The following AZIN1 variants were observed in gnomAD, a reference collection of about 807,000 sequenced individuals.
The protein encoded by AZIN1 is antizyme inhibitor 1, also known as ornithine decarboxylase antizyme inhibitor.
In AZIN1, 12 loss-of-function variants were observed where a neutral mutation model predicts 47.4. That is an observed-to-expected ratio of 0.25 (90% CI 0.16 to 0.41). The LOEUF (loss-of-function observed/expected upper bound fraction) is 0.41, where lower values mean the gene tolerates loss of function less well. AZIN1 is among the 10% of genes least tolerant of loss of function. AZIN1 has a pLI of 1.00. For missense variants in AZIN1, 410 were observed against 532.4 expected (o/e 0.77, Z 2.26); for synonymous variants, 155 against 176.3 (o/e 0.88, Z 0.96).
At chr8:102,863,124 G>A (rs948700551) in intron 1 of AZIN1, among the ~76,000 whole-genome samples, 1 of 152,238 alleles carries the variant, frequency 6.6e-6, no homozygotes. Flanking sequence ...CTTCCAGAAG[G>A]GGCCAAAAGC....
intron 9 of AZIN1, among the ~76,000 whole-genome samples, chr8:102,831,714 G>A (rs1453051363): frequency 6.6e-5 from 10 of 151,734 alleles, no homozygotes; most frequent in African/African-American, 1.5e-4. Flanking sequence ...CACTTTGGGA[G>A]GCTGAGGCAG....
intron 2 of AZIN1, chr8:102,854,626 A>G (rs146907711): frequency 1.5e-5 from 2 of 136,704 alleles, no homozygotes; most frequent in South Asian, 4.4e-4. Context: ...ATATATATAT[A>G]TTTTTTTTCC....
rs144818576 is a variant in AZIN1 at position 102,838,843 on chromosome 8, A to G, written c.350T>C (p.Val117Ala). The change falls in exon 5 of 12, where the codon GTG becomes GCG. Residue 117 changes from valine (V) to alanine (A), a missense_variant. By Grantham distance (64) the Val-to-Ala change is moderately conservative. Coordinates refer to ENST00000337198, the MANE Select transcript of AZIN1 (RefSeq NM_148174.4). The part of the protein sequence containing the change: ...NIIYISPCKQ[V>A]SQIKYAAKVG... Reference sequence around the variant, plus strand: ...TTTTGCTGCATACTTTATCTGAGACACTTGCTTGCAAGGACTTATGTAAAT... The same window carrying G: ...TTTTGCTGCATACTTTATCTGAGACGCTTGCTTGCAAGGACTTATGTAAAT... 46 of 1,613,878 alleles carry G rather than the reference A, an allele frequency of 2.9e-5. No homozygotes were observed. The highest frequency in any genetic ancestry group is 1.6e-4 in the Middle Eastern group (1 of 6,082).
Position 102,829,923 on chromosome 8 carries a change from TC to T in AZIN1, c.917del (p.Gly306GlufsTer11). 1.2e-6 allele frequency: 2 copies of T among 1,602,670 alleles called. No individual in the cohort carries two copies. Among genetic ancestry groups the T allele is most frequent in the Non-Finnish European group, 1.7e-6 (2 of 1,174,646 alleles). Reference protein sequence around the residue: ...DKFPSGVEKTGSDEPAFMYYM... With the variant: ...DKFPSGVEKTXSDEPAFMYYM... ...AATACATGAAGGCTGGTTCATCACT[TC>T]CGGTTTTTTCTACTGGAATAAAACA... On this transcript the variant is annotated frameshift_variant, in exon 10 of 12. Coordinates refer to ENST00000337198, the MANE Select transcript of AZIN1 (RefSeq NM_148174.4). LOFTEE classifies it high-confidence loss of function.
intron 5 of AZIN1, 59 bp downstream of exon 5, chr8:102,838,685 G>A: frequency 7.0e-7 from 1 of 1,431,006 alleles, no homozygotes; most frequent in Non-Finnish European, 9.5e-7. Context: ...CCAGACAAAA[G>A]ACAAACCCAA....
intron 1 of AZIN1, among the ~76,000 whole-genome samples, chr8:102,863,396 G>T (rs1053454018): frequency 6.6e-6 from 1 of 151,794 alleles, no homozygotes; most frequent in Non-Finnish European, 1.5e-5. Flanking sequence ...GGGGCTGCGG[G>T]ACCCCGGCCC....
chr8:102,831,191 A>G (rs1196082423), intron 9 of AZIN1, among the ~76,000 whole-genome samples: 1 of 152,168 alleles, frequency 6.6e-6, no homozygotes, highest in African/African-American at 2.4e-5. Flanking sequence ...GAGACATGTC[A>G]AGGGAAAAAT....
At chr8:102,857,753 A>G (rs1296323437) in intron 2 of AZIN1, among the ~76,000 whole-genome samples, 1 of 152,070 alleles carries the variant, frequency 6.6e-6, no homozygotes, top group African/African-American at 2.4e-5. Flanking sequence ...CTTATTTCCC[A>G]AAAGCCCTCT....
Position 102,828,611 on chromosome 8 carries a change from A to T in AZIN1, c.1303T>A (p.Cys435Ser). Residue 435 changes from cysteine (C) to serine (S), a missense_variant, in exon 12 of 12, where the codon TGC (cysteine) becomes AGC (serine). This residue lies in a region of AZIN1 where 168 missense variants were observed against 198.3 expected (regional missense o/e 0.85). Coordinates refer to ENST00000337198, the MANE Select transcript of AZIN1 (RefSeq NM_148174.4). ...MMKNFFFVPS[C>S]IQLSQEDSFS... ...CTGTCTTCTTGGCTCAGCTGAATGC[A>T]AGAAGGCACAAAGAAGAAGTTCTTC... 6.2e-7 allele frequency: 1 copy of T among 1,612,004 alleles called. No homozygotes were observed. Among genetic ancestry groups the T allele is most frequent in the African/African-American group, 1.3e-5 (1 of 75,024 alleles).
chr8:102,833,921 GT>G (rs913217557), intron 8 of AZIN1, among the ~76,000 whole-genome samples: 36 of 150,162 alleles, frequency 2.4e-4, no homozygotes, highest in Non-Finnish European at 4.0e-4. Context: ...TAGTAGTGAA[GT>G]TTTCTAAGTA....
chr8:102,848,162 T>TC (rs1225892512), intron 2 of AZIN1, among the ~76,000 whole-genome samples: 1 of 152,112 alleles, frequency 6.6e-6, no homozygotes, highest in Non-Finnish European at 1.5e-5. Context: ...CTTGGGTGTG[T>TC]CGTAGGCTGT....
chr8:102,833,517 A>C (rs1342869576), intron 8 of AZIN1, among the ~76,000 whole-genome samples: 1 of 152,078 alleles, frequency 6.6e-6, no homozygotes, highest in Admixed American at 6.6e-5. Flanking sequence ...TAAAAACAGA[A>C]GTAAAATTTT....
In AZIN1 at chr8:102,840,138, A is replaced by T. The variant is rs78928062; in HGVS notation, c.103-315T>A. 0.014 allele frequency among the ~76,000 whole-genome samples: 2,066 copies of T among 152,320 alleles called. 110 individuals are homozygous for T. In the East Asian group the frequency reaches 0.2, roughly 15 times the overall value. ...GTCAGAATGAAACTGCCTTGATTTT[A>T]CTTTTTGGCAGTTGAAGGAAGGGAA... On this transcript the variant is annotated intron_variant, in intron 3 of 11. Transcript: ENST00000337198.
intron 5 of AZIN1, 94 bp from the exon 6 acceptor site, chr8:102,836,484 T>C: frequency 1.5e-6 from 2 of 1,370,478 alleles, no homozygotes; most frequent in Non-Finnish European, 1.0e-6. Flanking sequence ...TTGATTATGT[T>C]GCCAGTGCTC....
At chr8:102,839,866 C>CA in intron 3 of AZIN1, 43 bp from the exon 4 acceptor site, 1 of 1,442,216 alleles carries the variant, frequency 6.9e-7, no homozygotes, top group Non-Finnish European at 9.4e-7. Flanking sequence ...AACAAAAAAC[C>CA]ATTGAAAATC....
At chr8:102,829,174 ACTT>A (rs1811280414) in intron 11 of AZIN1, 95 bp downstream of exon 11, 1 of 1,048,030 alleles carries the variant, frequency 9.5e-7, no homozygotes, top group African/African-American at 1.6e-5. Flanking sequence ...ACATGACTGT[ACTT>A]CTAAGTTTAG....
At chr8:102,833,351 T>C (rs1351777730) in intron 8 of AZIN1, 133 bp from the exon 9 acceptor site, 2 of 695,542 alleles carry the variant, frequency 2.9e-6, no homozygotes, top group Non-Finnish European at 4.5e-6. Context: ...CTTAGCAACT[T>C]TGTAGTTATC....
In AZIN1 at chr8:102,826,391, TCA is replaced by T. The variant is rs1446392615; in HGVS notation, c.*2174_*2175del. On this transcript the variant is annotated 3_prime_UTR_variant, in exon 12 of 12. Transcript: ENST00000337198. ...AAAACATTTATCTATGTATTCAGAA[TCA>T]CACACAAGTTACCTTTACAGTTCAA... is the stretch of plus-strand genomic sequence containing the variant. 6.6e-6 allele frequency: 1 copy of T among 152,648 alleles called. No individual in the cohort carries two copies. The allele number at this position is 152,648 out of a possible 1,614,324, so 9.5% of individuals were successfully genotyped here.
At position 102,833,131 on chromosome 8, in the gene AZIN1, C is replaced by T. The variant is rs1472695282; in HGVS notation, c.829G>A (p.Val277Met). Residue 277 changes from valine (V) to methionine (M), a missense_variant, in exon 9 of 12, where the codon GTG becomes ATG. Physicochemically the swap from Val to Met is conservative, Grantham distance 21. This residue lies in a region of AZIN1 where 5 missense variants were observed against 24.6 expected (regional missense o/e 0.20). Transcript: ENST00000337198. ...KIISEPGSYY[V>M]SSAFTLAVNI... ...ACTGCGAGTGTAAATGCAGAAGACA[C>T]ATAGTAGCTTCCGGGTTCTGAAATT... 2.5e-6 allele frequency: 4 copies of T among 1,613,156 alleles called. No individual in the cohort carries two copies. The highest frequency in any genetic ancestry group is 1.7e-6 in the Non-Finnish European group (2 of 1,179,198).
Sources: gnomAD v4.1 joint callset for allele counts (sites outside exome capture counted in the v4.1 genomes callset) on GRCh38, gnomAD v4.1.1 for gene constraint, gnomAD v4.1.1 regional missense constraint, MANE v1.5 for transcripts, NCBI Gene and HGNC (gene_info 2026-07-23, HGNC 2026-07-21) for gene names.